Variants in DNAAF5 observed in about 807,000 individuals in gnomAD.
DNAAF5 encodes dynein axonemal assembly factor 5.
Under a neutral mutation model 75.8 loss-of-function variants are expected in DNAAF5, and 64 were observed. The ratio of observed to expected loss-of-function variants is 0.84; its 90% confidence interval spans 0.69 to 1.04. The LOEUF (loss-of-function observed/expected upper bound fraction) is 1.04. Among genes scored for constraint, DNAAF5 ranks in the 50% least tolerant of loss-of-function variants. The pLI, the probability that DNAAF5 is intolerant of heterozygous loss-of-function variation, is 0.00. For missense variants in DNAAF5, 1,269 were observed against 1,178.5 expected, an observed-to-expected ratio of 1.08 and a Z score of -1.12; for synonymous variants, 657 against 557.2, an observed-to-expected ratio of 1.18 and a Z score of -2.52.
chr7:763,302 G>A (rs1782723581), intron 7 of DNAAF5, among the ~76,000 whole-genome samples: 2 of 152,164 alleles, frequency 1.3e-5, no homozygotes, highest in South Asian at 4.1e-4. Context: ...TGGCCACCGG[G>A]GAGCCTCAGC....
chr7:740,860 G>T lies in DNAAF5; in HGVS notation c.822G>T (p.Leu274=), dbSNP rs142939429. 6.2e-6 allele frequency: 10 copies of T among 1,614,090 alleles called. No homozygotes were observed. The highest frequency in any genetic ancestry group is 4.4e-5 in the South Asian group (4 of 91,092). Residue 274 remains leucine, a synonymous_variant, in exon 3 of 13, where the codon CTG becomes CTT. Transcript: ENST00000297440. ...CCTCCGTGGTGGGCGGCTGGCTGCTGTGTCTGCGTGACCGTTACTCCTTCT... is the reference window on the plus strand; with the variant it reads ...CCTCCGTGGTGGGCGGCTGGCTGCTTTGTCTGCGTGACCGTTACTCCTTCT... ...AVASVVGGWL[L]CLRDRYSFFH... is the part of the protein sequence containing the mutation.
chr7:742,268 A>C (rs970898386), intron 4 of DNAAF5, among the ~76,000 whole-genome samples: 5 of 152,220 alleles, frequency 3.3e-5, no homozygotes, highest in Non-Finnish European at 7.3e-5. Flanking sequence ...TGACGAGGAC[A>C]AAAAGTAGGT....
chr7:735,394 GTGT>G (rs1440945189), intron 2 of DNAAF5, among the ~76,000 whole-genome samples: 51 of 148,440 alleles, frequency 3.4e-4, no homozygotes, highest in African/African-American at 1.0e-3. Context: ...ATTGCTCATG[GTGT>G]TGTTCTTCAT....
chr7:745,676 C>G (rs1782074831), intron 4 of DNAAF5, among the ~76,000 whole-genome samples: 1 of 148,302 alleles, frequency 6.7e-6, no homozygotes, highest in African/African-American at 2.4e-5. Flanking sequence ...CACACGTGTA[C>G]ACACATATAC....
intron 4 of DNAAF5, among the ~76,000 whole-genome samples, chr7:742,155 C>G (rs1430295221): frequency 6.6e-6 from 1 of 152,230 alleles, no homozygotes; most frequent in Non-Finnish European, 1.5e-5. Context: ...AACCGCCCTC[C>G]TCTCGCGGGG....
At chr7:741,286 C>A in intron 3 of DNAAF5, 61 bp from the exon 4 acceptor site, 1 of 1,281,582 alleles carries the variant, frequency 7.8e-7, no homozygotes, top group Non-Finnish European at 1.1e-6. Flanking sequence ...CCTGGCGCAG[C>A]CCTGCGGCCT....
At chr7:773,365 G>T (rs1778637490) in intron 9 of DNAAF5, among the ~76,000 whole-genome samples, 1 of 152,186 alleles carries the variant, frequency 6.6e-6, no homozygotes, top group Admixed American at 6.5e-5. Flanking sequence ...AGCTGGTCTT[G>T]GAGACCAGAG....
At chr7:746,656 G>A (rs1782122671) in intron 4 of DNAAF5, among the ~76,000 whole-genome samples, 1 of 149,988 alleles carries the variant, frequency 6.7e-6, no homozygotes, top group Non-Finnish European at 1.5e-5. Context: ...CCTTGCCCAG[G>A]GTCTGTGACG....
intron 4 of DNAAF5, among the ~76,000 whole-genome samples, chr7:744,997 G>A (rs553503784): frequency 5.9e-5 from 9 of 152,312 alleles, no homozygotes; most frequent in African/African-American, 2.2e-4. Flanking sequence ...AGTGATGGGA[G>A]TGGAATCCCA....
In DNAAF5 at chr7:775,055, A is replaced by G. The variant is rs1423129875; in HGVS notation, c.2132A>G (p.Glu711Gly). Residue 711 changes from glutamate (E) to glycine (G), a missense_variant, in exon 11 of 13, where the codon GAG becomes GGG. Coordinates refer to ENST00000297440, the MANE Select transcript of DNAAF5 (RefSeq NM_017802.4). ...TLMPQVLTTL[E>G]EDSKMTRLIS... ...ATGCCCCAGGTCCTGACCACCCTGG[A>G]GGAGGATTCGAAGATGACGCGACTG... is the stretch of plus-strand genomic sequence containing the variant. 2 of 1,613,872 alleles carry G rather than the reference A, an allele frequency of 1.2e-6. No homozygotes were observed. The highest frequency in any genetic ancestry group is 1.7e-5 in the Admixed American group (1 of 59,994).
Position 763,899 on chromosome 7 carries a change from G to GGTCCCCTCC in DNAAF5, c.1708_1709insGTCCCCTCC (p.Val570delinsGlyProLeuLeu). ...GCACATTGGTCCCCTCCTGGAGCGG[G>GGTCCCCTCC]TGACCGCGTCGCACCTTGACTGGAC... On this transcript the variant is annotated protein_altering_variant, in exon 8 of 13. Transcript: ENST00000297440. 1 of 1,612,636 alleles carries GGTCCCCTCC rather than the reference G, an allele frequency of 6.2e-7. No individual in the cohort carries two copies. The highest frequency in any genetic ancestry group is 8.5e-7 in the Non-Finnish European group (1 of 1,180,042).
At chr7:728,907 A>G (rs1446506907) in intron 1 of DNAAF5, among the ~76,000 whole-genome samples, 1 of 151,324 alleles carries the variant, frequency 6.6e-6, no homozygotes, top group Admixed American at 6.6e-5. Context: ...CCAAAGTCTC[A>G]CTGGAATAGC....
intron 7 of DNAAF5, among the ~76,000 whole-genome samples, chr7:762,423 G>A (rs1713998180): frequency 6.6e-6 from 1 of 151,366 alleles, no homozygotes. Context: ...GGAAGCAGAG[G>A]TTGCAGTGAG....
chr7:756,377 G>T, intron 5 of DNAAF5, among the ~76,000 whole-genome samples: 1 of 150,542 alleles, frequency 6.6e-6, no homozygotes, highest in Non-Finnish European at 1.5e-5. Flanking sequence ...GTCCACTGTG[G>T]AATCCCACGG....
chr7:774,368 G>A (rs1309078784), intron 10 of DNAAF5, among the ~76,000 whole-genome samples, 170 bp downstream of exon 10: 1 of 152,214 alleles, frequency 6.6e-6, no homozygotes, highest in African/African-American at 2.4e-5. Flanking sequence ...GGCAGGAGCC[G>A]GCGGCCGGGC....
intron 1 of DNAAF5, among the ~76,000 whole-genome samples, chr7:728,152 C>T (rs557311019): frequency 3.3e-4 from 50 of 152,294 alleles, no homozygotes; most frequent in Non-Finnish European, 7.2e-4. Context: ...CCGGTCGTTC[C>T]CTTTCCTTAG....
chr7:768,594 G>A (rs1016759465), intron 8 of DNAAF5: 28 of 152,650 alleles, frequency 1.8e-4, no homozygotes, highest in Middle Eastern at 3.4e-3. Context: ...GGCCCAGGCG[G>A]AAGTGTCCAC....
At chr7:773,857 G>T (rs1042553171) in intron 9 of DNAAF5, among the ~76,000 whole-genome samples, 191 bp from the exon 10 acceptor site, 1 of 152,210 alleles carries the variant, frequency 6.6e-6, no homozygotes, top group South Asian at 2.1e-4. Flanking sequence ...CTCCCCGGTA[G>T]GGTTGGGCCT....
chr7:767,095 T>C (rs1778326552), intron 8 of DNAAF5, among the ~76,000 whole-genome samples: 1 of 151,934 alleles, frequency 6.6e-6, no homozygotes, highest in Non-Finnish European at 1.5e-5. Context: ...AAAAATTAGC[T>C]GGGTGCGGTG....
Sources: gnomAD v4.1 joint callset for allele counts (sites outside exome capture counted in the v4.1 genomes callset) on GRCh38, gnomAD v4.1.1 for gene constraint, MANE v1.5 for transcripts, NCBI Gene and HGNC (gene_info 2026-07-23, HGNC 2026-07-21) for gene names.